DDR2: variants seen among roughly 807,000 people sequenced by gnomAD.
DDR2 encodes the protein discoidin domain receptor tyrosine kinase 2, also known as discoidin domain-containing receptor 2.
In DDR2, 27 loss-of-function variants were observed where a neutral mutation model predicts 94.9. The ratio of observed to expected loss-of-function variants is 0.28; its 90% CI spans 0.21 to 0.39. DDR2 has a LOEUF of 0.39. DDR2 is among the 10% of genes least tolerant of loss of function. DDR2 has a pLI of 1.00. For synonymous variants in DDR2, 382 were observed against 377.2 expected (o/e 1.01, Z -0.15); for missense variants, 783 against 1,076.0 (o/e 0.73, Z 3.81).
chr1:162,632,628 G>A lies in DDR2; in HGVS notation c.-195G>A, dbSNP rs944711693. 1 of 152,214 alleles carries A rather than the reference G, an allele frequency of 6.6e-6. No individual in the cohort carries two copies. The highest frequency in any genetic ancestry group is 1.5e-5 in the Non-Finnish European group (1 of 68,034). 9.4% of individuals were successfully genotyped at this position (152,214 alleles called of 1,614,324 possible). Reference sequence around the variant, plus strand: ...TTTCCAAAACTGTGCACCCCTGGATGAAAGTAAGTTATGTGGGTCTTTTTT... The same window carrying A: ...TTTCCAAAACTGTGCACCCCTGGATAAAAGTAAGTTATGTGGGTCTTTTTT... On this transcript the variant is annotated 5_prime_UTR_variant, in exon 1 of 18. The change abolishes an upstream ATG in the 5' untranslated region. Transcript: ENST00000367921.
chr1:162,775,548 A>G, intron 14 of DDR2, 104 bp from the exon 15 acceptor site: 2 of 1,266,186 alleles, frequency 1.6e-6, no homozygotes, highest in Non-Finnish European at 2.3e-6. Flanking sequence ...AAGGGAAACA[A>G]GATTTGGCAT....
chr1:162,698,786 G>T (rs1660303112), intron 2 of DDR2, among the ~76,000 whole-genome samples: 1 of 152,102 alleles, frequency 6.6e-6, no homozygotes, highest in Non-Finnish European at 1.5e-5. Flanking sequence ...CAGTCTGAGG[G>T]GCTGTACAGA....
intron 1 of DDR2, among the ~76,000 whole-genome samples, chr1:162,645,199 G>T (rs1657348116): frequency 6.6e-6 from 1 of 152,180 alleles, no homozygotes; most frequent in African/African-American, 2.4e-5. Flanking sequence ...TAGAAGAGTA[G>T]ACAGCCCTGA....
intron 10 of DDR2, among the ~76,000 whole-genome samples, chr1:162,766,927 G>A (rs954381120): frequency 4.0e-5 from 6 of 151,818 alleles, no homozygotes; most frequent in African/African-American, 1.5e-4. Context: ...AGCTACTCAG[G>A]AGGCTGAGGC....
chr1:162,774,117 C>CA (rs147353345), intron 14 of DDR2, among the ~76,000 whole-genome samples: 10,204 of 152,202 alleles, frequency 0.067, 344 homozygotes, highest in African/African-American at 0.078. Context: ...CTATGAACCT[C>CA]AAAGCAAAAG....
At chr1:162,717,275 AT>A (rs1300968636) in intron 2 of DDR2, among the ~76,000 whole-genome samples, 7 of 152,238 alleles carry the variant, frequency 4.6e-5, no homozygotes, top group South Asian at 4.2e-4. Context: ...ACCTCAGGTG[AT>A]CCACCCGCCT....
In DDR2 at chr1:162,775,135, G is replaced by C. The variant is rs79047337; in HGVS notation, c.1857-517G>C. Among the ~76,000 whole-genome samples the C allele has an allele frequency of 8.7e-3, 1,324 of 152,188 alleles. 23 individuals are homozygous for C. The highest frequency in any genetic ancestry group is 0.03 in the African/African-American group (1,237 of 41,528). On this transcript the variant is annotated intron_variant, in intron 14 of 17. Transcript: ENST00000367921. ...TACTAAATACATGTTGCAACTGACT[G>C]ATGGTTCGTACTGCATTAAGAAAAG...
intron 2 of DDR2, among the ~76,000 whole-genome samples, chr1:162,674,392 G>A (rs953098511): frequency 1.3e-5 from 2 of 152,214 alleles, no homozygotes; most frequent in Non-Finnish European, 2.9e-5. Flanking sequence ...CTTAATTCAC[G>A]GATGGATTAC....
chr1:162,705,681 C>T (rs1029431539), intron 2 of DDR2, among the ~76,000 whole-genome samples: 3 of 152,142 alleles, frequency 2.0e-5, no homozygotes, highest in African/African-American at 7.2e-5. Flanking sequence ...TGAGCCCATT[C>T]TGGGTATGGG....
At position 162,689,841 on chromosome 1, in the gene DDR2, TTAAAAAAAAA is replaced by T. The variant is rs1291935414; in HGVS notation, c.-27-29195_-27-29186del. On this transcript the variant is annotated intron_variant, in intron 2 of 17. Transcript: ENST00000367921. ...CAACATGGTGAAACCCCATCTCTAC[TTAAAAAAAAA>T]AAAAAAAAAAAAAAAATAGCCAGGT... 1.9e-3 allele frequency among the ~76,000 whole-genome samples: 28 copies of T among 14,698 alleles called. 4 individuals are homozygous for T. Among genetic ancestry groups the T allele is most frequent in the African/African-American group, 3.9e-3 (25 of 6,476 alleles). The allele number at this position is 14,698 out of a possible 152,430, so 9.6% of individuals were successfully genotyped here.
chr1:162,703,420 G>A (rs1286824704), intron 2 of DDR2, among the ~76,000 whole-genome samples: 1 of 152,156 alleles, frequency 6.6e-6, no homozygotes, highest in African/African-American at 2.4e-5. Context: ...GAGTGTGAGG[G>A]AGGAAGAGAG....
intron 2 of DDR2, among the ~76,000 whole-genome samples, chr1:162,674,607 C>T (rs1378390492): frequency 6.6e-6 from 1 of 152,104 alleles, no homozygotes. Context: ...AGCAGCTCAC[C>T]CCTTTTGCTT....
chr1:162,710,840 C>A (rs906498168), intron 2 of DDR2, among the ~76,000 whole-genome samples: 4 of 151,906 alleles, frequency 2.6e-5, no homozygotes, highest in Non-Finnish European at 5.9e-5. Context: ...ATCTCTTTTC[C>A]CCTTCATACT....
intron 2 of DDR2, among the ~76,000 whole-genome samples, chr1:162,712,611 G>A (rs1660970285): frequency 6.6e-6 from 1 of 152,082 alleles, no homozygotes; most frequent in Admixed American, 6.6e-5. Context: ...TCAGATCTGG[G>A]AAGTCCTGAG....
At chr1:162,777,023 T>C (rs892252752) in intron 16 of DDR2, among the ~76,000 whole-genome samples, 3 of 152,294 alleles carry the variant, frequency 2.0e-5, no homozygotes, top group Admixed American at 6.5e-5. Context: ...TTATCTTTTT[T>C]CTTGTGTGAC....
At chr1:162,753,271 A>G in intron 4 of DDR2, 74 bp downstream of exon 4, 2 of 1,382,140 alleles carry the variant, frequency 1.4e-6, no homozygotes. Context: ...TCCTGACCCT[A>G]GGGGCTGGGG....
chr1:162,700,078 G>A (rs1412997339), intron 2 of DDR2, among the ~76,000 whole-genome samples: 1 of 152,232 alleles, frequency 6.6e-6, no homozygotes, highest in African/African-American at 2.4e-5. Context: ...TTACTCATGA[G>A]AGAGCTTCTT....
chr1:162,716,025 G>A (rs57914749), intron 2 of DDR2, among the ~76,000 whole-genome samples: 250 of 152,282 alleles, frequency 1.6e-3, no homozygotes, highest in African/African-American at 5.6e-3. Context: ...CTTTGTGCAC[G>A]ATGTAAAGTA....
chr1:162,711,832 A>C (rs1330359177), intron 2 of DDR2, among the ~76,000 whole-genome samples: 1 of 152,126 alleles, frequency 6.6e-6, no homozygotes, highest in Non-Finnish European at 1.5e-5. Context: ...ATACACACAC[A>C]TGCACACATG....
Sources: gnomAD v4.1 joint callset for allele counts (sites outside exome capture counted in the v4.1 genomes callset) on GRCh38, gnomAD v4.1.1 for gene constraint, MANE v1.5 for transcripts, NCBI Gene and HGNC (gene_info 2026-07-23, HGNC 2026-07-21) for gene names.